Variants in GPC6 observed in about 807,000 individuals in gnomAD.
GPC6 encodes the protein glypican 6.
GPC6 carries 14 observed loss-of-function variants against 55.2 expected under a neutral mutation model. That is an observed-to-expected ratio of 0.25 (90% CI 0.17 to 0.40). The LOEUF (loss-of-function observed/expected upper bound fraction) is 0.40, where lower values mean the gene tolerates loss of function less well. GPC6 is among the 10% of genes least tolerant of loss of function. The pLI is 1.00. For missense variants in GPC6, 641 were observed against 708.5 expected (o/e 0.90, Z 1.08); for synonymous variants, 278 against 259.6 (o/e 1.07, Z -0.68).
chr13:93,297,433 G>T (rs1408120462), intron 1 of GPC6, among the ~76,000 whole-genome samples: 1 of 152,026 alleles, frequency 6.6e-6, no homozygotes, highest in Non-Finnish European at 1.5e-5. Context: ...ATGTATCCCA[G>T]AACTTAAAAT....
rs1880088146 is a variant in GPC6 at position 93,644,479 on chromosome 13, G to A, written c.319+99058G>A. Among the ~76,000 whole-genome samples, 4 of 152,012 alleles carry A rather than the reference G, an allele frequency of 2.6e-5. No homozygotes were observed. The South Asian group carries it at 8.3e-4, about 32-fold the overall frequency. On this transcript the variant is annotated intron_variant, in intron 2 of 8. Transcript: ENST00000377047. The stretch of plus-strand genomic sequence containing the variant: ...TAGGGTACTACTTAAACAAATTATG[G>A]CGTTTCCACATTACATAACAGTCAT...
chr13:93,404,715 G>A lies in GPC6; in HGVS notation c.161-140548G>A, dbSNP rs559865961. On this transcript the variant is annotated intron_variant, in intron 1 of 8. Transcript: ENST00000377047. ...TTGTCAAATTGTCTTTCTTACGGAG[G>A]TAATAAAATTCCTATTCCCTATAAA... is the stretch of plus-strand genomic sequence containing the variant. Among the ~76,000 whole-genome samples the A allele has an allele frequency of 1.7e-4, 26 of 152,032 alleles. 1 individual carries two copies. Among genetic ancestry groups the A allele is most frequent in the Non-Finnish European group, 3.2e-4 (22 of 68,006 alleles).
intron 4 of GPC6, among the ~76,000 whole-genome samples, chr13:94,072,771 G>T (rs1353968956): frequency 1.3e-5 from 2 of 152,214 alleles, no homozygotes; most frequent in East Asian, 3.9e-4. Context: ...CAAGACAAAC[G>T]AGTCAAATAG....
rs576019810 is a variant in GPC6 at position 93,308,262 on chromosome 13, G to A, written c.160+80646G>A. Among the ~76,000 whole-genome samples the A allele has an allele frequency of 1.1e-4, 16 of 152,270 alleles. No individual in the cohort carries two copies. In the South Asian group the frequency reaches 2.3e-3, roughly 22 times the overall value. On this transcript the variant is annotated intron_variant, in intron 1 of 8. Coordinates refer to ENST00000377047, the MANE Select transcript of GPC6 (RefSeq NM_005708.5). Reference sequence around the variant, plus strand: ...ATTGCGCTACTGCACTCCAGCCTGGGTGACAGAGTGAGACTCCATCTCAGA... The same window carrying A: ...ATTGCGCTACTGCACTCCAGCCTGGATGACAGAGTGAGACTCCATCTCAGA...
At chr13:93,911,402 T>C (rs969155933) in intron 3 of GPC6, among the ~76,000 whole-genome samples, 1 of 106,008 alleles carries the variant, frequency 9.4e-6, no homozygotes, top group African/African-American at 4.1e-5. Flanking sequence ...ATAAAGATAA[T>C]TGACTGTGTG....
chr13:93,454,343 G>C (rs973764867), intron 1 of GPC6, among the ~76,000 whole-genome samples: 7 of 128,032 alleles, frequency 5.5e-5, no homozygotes, highest in African/African-American at 1.6e-4. Context: ...GGCCCCACCA[G>C]AGTAGCTAGA....
chr13:93,715,492 C>T (rs373891836), intron 2 of GPC6, among the ~76,000 whole-genome samples: 32 of 151,342 alleles, frequency 2.1e-4, no homozygotes, highest in African/African-American at 2.9e-4. Flanking sequence ...AGGGAAGCAA[C>T]GGTGGAAAAG....
At chr13:94,074,639 A>G (rs1345488150) in intron 4 of GPC6, among the ~76,000 whole-genome samples, 4 of 152,208 alleles carry the variant, frequency 2.6e-5, no homozygotes, top group African/African-American at 7.2e-5. Context: ...AGAGCAGACA[A>G]TTACCCCAAA....
At chr13:93,731,652 T>C (rs774686026) in intron 2 of GPC6, among the ~76,000 whole-genome samples, 26 of 152,288 alleles carry the variant, frequency 1.7e-4, no homozygotes, top group Non-Finnish European at 3.5e-4. Flanking sequence ...GTATGGAGTA[T>C]AGATATACAT....
rs763333455 is a variant in GPC6 at position 93,227,639 on chromosome 13, G to T, written c.160+23G>T. On this transcript the variant is annotated intron_variant, in intron 1 of 8. Transcript: ENST00000377047. This position sits in a 1 kb window ranked among gnomAD's most constrained non-coding sequence, Gnocchi z 4.3. ...CAGGTAAGCGCGGGCGCGCTGCAGG[G>T]GCAGGCTGCAGCCCTCGGCTGCCGC... 3.2e-6 allele frequency: 5 copies of T among 1,575,964 alleles called. No individual in the cohort carries two copies. Among genetic ancestry groups the T allele is most frequent in the African/African-American group, 1.3e-5 (1 of 74,202 alleles).
At chr13:93,360,901 T>C (rs1305107070) in intron 1 of GPC6, among the ~76,000 whole-genome samples, 2 of 152,182 alleles carry the variant, frequency 1.3e-5, no homozygotes, top group Non-Finnish European at 2.9e-5. Flanking sequence ...TTTAACTCCG[T>C]GACCCCACTG....
chr13:93,879,380 A>T (rs1205342535), intron 3 of GPC6, among the ~76,000 whole-genome samples: 4 of 152,128 alleles, frequency 2.6e-5, no homozygotes, highest in African/African-American at 7.2e-5. Context: ...AGATCAATGG[A>T]ACAGAACAGA....
chr13:94,052,248 A>T (rs1403929960), intron 4 of GPC6, among the ~76,000 whole-genome samples: 1 of 152,156 alleles, frequency 6.6e-6, no homozygotes, highest in East Asian at 1.9e-4. Context: ...TATAAAAGGA[A>T]ATTGATCAGG....
chr13:93,396,494 C>T (rs1041375763), intron 1 of GPC6, among the ~76,000 whole-genome samples: 4 of 151,904 alleles, frequency 2.6e-5, no homozygotes, highest in African/African-American at 9.7e-5. Context: ...ACCCGGGAGG[C>T]GGAGGTTGCA....
rs2138996270 is a variant in GPC6 at position 93,227,889 on chromosome 13, T to G, written c.160+273T>G. Among the ~76,000 whole-genome samples, 1 of 152,184 alleles carries G rather than the reference T, an allele frequency of 6.6e-6. No homozygotes were observed. Among genetic ancestry groups the G allele is most frequent in the Middle Eastern group, 3.4e-3 (1 of 294 alleles). ...CTCTCGCGCCCTTCTACCCCTTAGT[T>G]GATGGCTCAGGCCCGGCTGGCCAGG... On this transcript the variant is annotated intron_variant, in intron 1 of 8. Transcript: ENST00000377047. This position sits in a 1 kb window ranked among gnomAD's most constrained non-coding sequence, Gnocchi z 4.3.
At chr13:93,705,782 G>A (rs1036362863) in intron 2 of GPC6, among the ~76,000 whole-genome samples, 6 of 149,926 alleles carry the variant, frequency 4.0e-5, no homozygotes, top group African/African-American at 1.5e-4. Context: ...CCAATAATTA[G>A]TTACTCTTCT....
chr13:94,264,018 C>T lies in GPC6; in HGVS notation c.878-22331C>T, dbSNP rs149664458. On this transcript the variant is annotated intron_variant, in intron 4 of 8. Coordinates refer to ENST00000377047, the MANE Select transcript of GPC6 (RefSeq NM_005708.5). ...ACTATTGTCTCCCATGGCAACCTAC[C>T]ATCATCCTAGGACCTCCATCAATAG... Among the ~76,000 whole-genome samples, 34 of 152,190 alleles carry T rather than the reference C, an allele frequency of 2.2e-4. 1 individual carries two copies. In the East Asian group the frequency reaches 6.6e-3, roughly 29 times the overall value.
intron 2 of GPC6, among the ~76,000 whole-genome samples, chr13:93,658,006 G>T (rs886918798): frequency 6.6e-6 from 1 of 152,076 alleles, no homozygotes; most frequent in Non-Finnish European, 1.5e-5. Flanking sequence ...TGGTGGAAAT[G>T]TAAATTAGTT....
At chr13:93,919,923 GACAC>G (rs1877485322) in intron 3 of GPC6, among the ~76,000 whole-genome samples, 1 of 152,172 alleles carries the variant, frequency 6.6e-6, no homozygotes, top group South Asian at 2.1e-4. Flanking sequence ...CTCTCGCGTA[GACAC>G]GCACTCACTC....
Sources: gnomAD v4.1 joint callset for allele counts (sites outside exome capture counted in the v4.1 genomes callset) on GRCh38, gnomAD v4.1.1 for gene constraint, Gnocchi (gnomAD v3.1) non-coding constraint, MANE v1.5 for transcripts, NCBI Gene and HGNC (gene_info 2026-07-23, HGNC 2026-07-21) for gene names.